The following CDH4 variants were observed in gnomAD, a reference collection of about 807,000 sequenced individuals.
CDH4 encodes the protein cadherin-4.
Under a neutral mutation model 86.0 loss-of-function variants are expected in CDH4, and 33 were observed. The observed-to-expected ratio is 0.38, with a 90% CI of 0.29 to 0.51. The LOEUF (loss-of-function observed/expected upper bound fraction) is 0.51. CDH4 is among the 20% of genes least tolerant of loss of function. The pLI, the probability that CDH4 is intolerant of heterozygous loss-of-function variation, is 0.86. For synonymous variants in CDH4, 555 were observed against 549.4 expected, an observed-to-expected ratio of 1.01 and a Z score of -0.14; for missense variants, 1,114 against 1,307.4, an observed-to-expected ratio of 0.85 and a Z score of 2.28.
intron 11 of CDH4, among the ~76,000 whole-genome samples, chr20:61,927,552 T>C (rs538840287): frequency 6.6e-6 from 1 of 152,302 alleles, no homozygotes; most frequent in African/African-American, 2.4e-5. Flanking sequence ...CACGCGATCA[T>C]GCGTCTGGGC....
intron 2 of CDH4, among the ~76,000 whole-genome samples, chr20:61,565,339 A>G (rs6121437): frequency 0.46 from 3,766 of 8,266 alleles, 1,039 homozygotes; most frequent in East Asian, 0.6. Context: ...TGATGGTGGT[A>G]GTGGTCCTCT....
At chr20:61,620,959 C>G (rs1390585692) in intron 2 of CDH4, among the ~76,000 whole-genome samples, 4 of 152,260 alleles carry the variant, frequency 2.6e-5, no homozygotes, top group African/African-American at 9.6e-5. Flanking sequence ...TCCTGGGTCT[C>G]TGGTTCATCC....
chr20:61,347,670 C>T (rs572112266), intron 2 of CDH4, among the ~76,000 whole-genome samples: 4 of 152,276 alleles, frequency 2.6e-5, no homozygotes, highest in African/African-American at 7.2e-5. Context: ...TCAGCTTAGT[C>T]GGGAGATGTA....
intron 2 of CDH4, among the ~76,000 whole-genome samples, chr20:61,375,424 C>A (rs1028758316): frequency 1.0e-4 from 15 of 143,444 alleles, no homozygotes; most frequent in Non-Finnish European, 7.6e-5. Context: ...GGTGATGGTG[C>A]TGGTGGTGGT....
At chr20:61,381,140 T>C (rs544707393) in intron 2 of CDH4, among the ~76,000 whole-genome samples, 37 of 152,062 alleles carry the variant, frequency 2.4e-4, no homozygotes, top group Non-Finnish European at 4.7e-4. Context: ...CTGTATGGAG[T>C]AGTGATCTCG....
At chr20:61,924,948 G>T (rs80055580) in intron 11 of CDH4, among the ~76,000 whole-genome samples, 10,802 of 152,234 alleles carry the variant, frequency 0.071, 502 homozygotes, top group Non-Finnish European at 0.1. Context: ...CATCCTGCGG[G>T]GAAGGCCCAG....
At chr20:61,266,138 C>A (rs2084156988) in intron 2 of CDH4, among the ~76,000 whole-genome samples, 1 of 152,168 alleles carries the variant, frequency 6.6e-6, no homozygotes, top group African/African-American at 2.4e-5. Flanking sequence ...CCGCACCTTG[C>A]TAACAGGAAG....
In CDH4 at chr20:61,854,932, G is replaced by C. The variant is rs113389953; in HGVS notation, c.877+2034G>C. 1.9e-3 allele frequency among the ~76,000 whole-genome samples: 217 copies of C among 116,420 alleles called. 1 individual carries two copies. The highest frequency in any genetic ancestry group is 5.0e-3 in the African/African-American group (149 of 30,016). 76.4% of individuals were successfully genotyped at this position (116,420 alleles called of 152,430 possible). ...TTGCGCCTTTGGCCCACCCCCAGGG[G>C]TGCAGTGTGAACAGGGTGAATTGCG... On this transcript the variant is annotated intron_variant, in intron 6 of 15. Transcript: ENST00000614565.
chr20:61,900,279 T>A (rs1985330017), intron 8 of CDH4, among the ~76,000 whole-genome samples: 1 of 151,982 alleles, frequency 6.6e-6, no homozygotes, highest in South Asian at 2.1e-4. Context: ...ATTTGGCATC[T>A]TAAAATTAGA....
chr20:61,854,228 G>A (rs761056407), intron 6 of CDH4, among the ~76,000 whole-genome samples: 12 of 152,286 alleles, frequency 7.9e-5, no homozygotes, highest in African/African-American at 1.7e-4. Flanking sequence ...GGCACCACAC[G>A]CCCCTGCAGG....
At position 61,492,007 on chromosome 20, in the gene CDH4, G is replaced by C. The variant is rs73611529; in HGVS notation, c.169+237070G>C. Among the ~76,000 whole-genome samples, 12 of 151,804 alleles carry C rather than the reference G, an allele frequency of 7.9e-5. No homozygotes were observed. The East Asian group carries it at 2.3e-3, about 29-fold the overall frequency. ...GTTGATGTTGGTGGTGTTGATGTTG[G>C]TGGTGTCAATATTGTCGATGGTGGT... On this transcript the variant is annotated intron_variant, in intron 2 of 15. Transcript: ENST00000614565.
At chr20:61,817,410 C>T (rs1397527022) in intron 4 of CDH4, among the ~76,000 whole-genome samples, 1 of 152,316 alleles carries the variant, frequency 6.6e-6, no homozygotes, top group South Asian at 2.1e-4. Flanking sequence ...CCAGTTGGTC[C>T]GGGAAGGCTT....
intron 2 of CDH4, among the ~76,000 whole-genome samples, chr20:61,454,158 G>A (rs566680913): frequency 9.8e-5 from 15 of 152,342 alleles, no homozygotes; most frequent in African/African-American, 3.6e-4. Flanking sequence ...CGCAGCATGA[G>A]TCTGCCTGTG....
chr20:61,263,308 T>C (rs1217263019), intron 2 of CDH4, among the ~76,000 whole-genome samples: 1 of 152,186 alleles, frequency 6.6e-6, no homozygotes, highest in African/African-American at 2.4e-5. Context: ...CGGTATTGTC[T>C]CTGGCTGGTG....
chr20:61,559,084 T>A (rs896236906), intron 2 of CDH4, among the ~76,000 whole-genome samples: 5 of 152,186 alleles, frequency 3.3e-5, no homozygotes, highest in Non-Finnish European at 5.9e-5. Context: ...TTTGGGAGGC[T>A]GAGGTGGGCG....
At chr20:61,886,410 C>T (rs1984540740) in intron 7 of CDH4, among the ~76,000 whole-genome samples, 1 of 152,248 alleles carries the variant, frequency 6.6e-6, no homozygotes, top group Non-Finnish European at 1.5e-5. Flanking sequence ...CCAGGGATGG[C>T]CCACTGTGGT....
At chr20:61,454,194 G>T (rs1384232248) in intron 2 of CDH4, among the ~76,000 whole-genome samples, 4 of 152,192 alleles carry the variant, frequency 2.6e-5, no homozygotes. Context: ...CTTCTCCCAG[G>T]CCCTGGGCCG....
At position 61,411,746 on chromosome 20, in the gene CDH4, T is replaced by C. The variant is rs551007546; in HGVS notation, c.169+156809T>C. Among the ~76,000 whole-genome samples, 5 of 151,960 alleles carry C rather than the reference T, an allele frequency of 3.3e-5. No homozygotes were observed. The South Asian group carries it at 6.2e-4, about 19-fold the overall frequency. On this transcript the variant is annotated intron_variant, in intron 2 of 15. Transcript: ENST00000614565. ...CCTGGATGGGAAGTAGTGTGGGAGG[T>C]TGGGGGTGTGTCTGGGCAGGGATAT...
At position 61,377,205 on chromosome 20, in the gene CDH4, C is replaced by G. The variant is rs1238412475; in HGVS notation, c.169+122268C>G. Among the ~76,000 whole-genome samples, 2 of 152,058 alleles carry G rather than the reference C, an allele frequency of 1.3e-5. No homozygotes were observed. The highest frequency in any genetic ancestry group is 1.3e-4 in the Admixed American group (2 of 15,264). On this transcript the variant is annotated intron_variant, in intron 2 of 15. Coordinates refer to ENST00000614565, the MANE Select transcript of CDH4 (RefSeq NM_001794.5). This position sits in a 1 kb window ranked among gnomAD's most constrained non-coding sequence, Gnocchi z 4.0. Reference sequence around the variant, plus strand: ...GGCGGCTCAATCTAAAACGGAGGAGCCTTGAAGTTTGCAGAAGTGGAATAG... The same window carrying G: ...GGCGGCTCAATCTAAAACGGAGGAGGCTTGAAGTTTGCAGAAGTGGAATAG...
Sources: gnomAD v4.1 joint callset for allele counts (sites outside exome capture counted in the v4.1 genomes callset) on GRCh38, gnomAD v4.1.1 for gene constraint, Gnocchi (gnomAD v3.1) non-coding constraint, MANE v1.5 for transcripts, NCBI Gene and HGNC (gene_info 2026-07-23, HGNC 2026-07-21) for gene names.